PDIA6: variants seen among roughly 807,000 people sequenced by gnomAD.
PDIA6 encodes the protein protein disulfide isomerase family A member 6, also known as protein disulfide-isomerase A6.
Under a neutral mutation model 58.4 loss-of-function variants are expected in PDIA6, and 29 were observed. The ratio of observed to expected loss-of-function variants is 0.50; its 90% CI spans 0.37 to 0.68. PDIA6 has a LOEUF of 0.68. Ranked by LOEUF, PDIA6 falls within the 30% of genes least tolerant of loss-of-function variation. The pLI, the probability that PDIA6 is intolerant of heterozygous loss-of-function variation, is 0.00. For missense variants in PDIA6, 480 were observed against 551.0 expected, an observed-to-expected ratio of 0.87 and a Z score of 1.29; for synonymous variants, 192 against 202.6, an observed-to-expected ratio of 0.95 and a Z score of 0.44.
At chr2:10,837,449 T>C (rs1355829052), upstream of PDIA6, 3 of 653,906 alleles carry the variant, frequency 4.6e-6, no homozygotes, top group Non-Finnish European at 8.3e-6. Context: ...GAGAAAAAAA[T>C]AAGATGAAGC....
intron 12 of PDIA6, 41 bp downstream of exon 12, chr2:10,784,892 AC>A (rs1363893409): frequency 7.2e-7 from 1 of 1,384,232 alleles, no homozygotes; most frequent in Non-Finnish European, 1.0e-6. Flanking sequence ...AAGAGAGTAA[AC>A]CAGGACTGCT....
chr2:10,830,285 G>A (rs1029909028), intron 1 of PDIA6, among the ~76,000 whole-genome samples: 10 of 152,214 alleles, frequency 6.6e-5, no homozygotes, highest in African/African-American at 2.4e-4. Flanking sequence ...ATGAATGAAC[G>A]CATCCGTGAA....
chr2:10,811,107 G>A (rs546390602), intron 1 of PDIA6, among the ~76,000 whole-genome samples: 1 of 152,332 alleles, frequency 6.6e-6, no homozygotes, highest in Non-Finnish European at 1.5e-5. Flanking sequence ...ATTAAAATGA[G>A]TTAATTAATA....
chr2:10,784,760 T>C, intron 12 of PDIA6, 174 bp downstream of exon 12: 1 of 578,744 alleles, frequency 1.7e-6, no homozygotes, highest in Non-Finnish European at 3.1e-6. Flanking sequence ...ATGCAGCACT[T>C]AAACTTGTGA....
chr2:10,789,928 CTT>C, intron 7 of PDIA6, 39 bp from the exon 8 acceptor site: 2 of 1,549,170 alleles, frequency 1.3e-6, no homozygotes, highest in East Asian at 2.3e-5. Context: ...CCAATTAACA[CTT>C]AATGCAAAAT....
At position 10,799,197 on chromosome 2, in the gene PDIA6, C is replaced by G. The variant is rs78944828; in HGVS notation, c.162-1440G>C. On this transcript the variant is annotated intron_variant, in intron 2 of 12. Coordinates refer to ENST00000272227, the MANE Select transcript of PDIA6 (RefSeq NM_005742.4). ...CTCATTGAGGTTGTAGGTAGCTATA[C>G]TGTTTATTTTTATTGCTGTGTAACA... Among the ~76,000 whole-genome samples, 3 of 105,318 alleles carry G rather than the reference C, an allele frequency of 2.8e-5. No individual in the cohort carries two copies. The Admixed American group carries it at 3.1e-4, about 11-fold the overall frequency. The allele number at this position is 105,318 out of a possible 152,430, so 69.1% of individuals were successfully genotyped here. A position where few individuals can be genotyped will look rare whatever the true frequency, so the allele number is the denominator to read the frequency against.
chr2:10,813,624 CA>C (rs528442547), upstream of PDIA6, among the ~76,000 whole-genome samples: 2 of 150,756 alleles, frequency 1.3e-5, no homozygotes, highest in South Asian at 2.1e-4. Context: ...CCACGCCCGG[CA>C]AAAGTAAAAA....
At chr2:10,820,923 G>A (rs917918434) in intron 1 of PDIA6, 3 of 695,682 alleles carry the variant, frequency 4.3e-6, no homozygotes, top group Non-Finnish European at 5.3e-6. Context: ...AGCGTCCTAA[G>A]AGTCAGGAAG....
At chr2:10,812,312 G>A (rs1017247062) in intron 1 of PDIA6, among the ~76,000 whole-genome samples, 1 of 145,112 alleles carries the variant, frequency 6.9e-6, no homozygotes, top group African/African-American at 2.5e-5. Context: ...ACGAGTTCGA[G>A]AAGAGCCCGG....
chr2:10,788,591 A>G (rs1665889653), intron 10 of PDIA6, 106 bp downstream of exon 10: 1 of 779,722 alleles, frequency 1.3e-6, no homozygotes, highest in African/African-American at 1.7e-5. Flanking sequence ...AACATATAGC[A>G]GAGCAAACAT....
At chr2:10,814,993 C>T (rs1667148236), upstream of PDIA6, among the ~76,000 whole-genome samples, 1 of 152,212 alleles carries the variant, frequency 6.6e-6, no homozygotes. Flanking sequence ...TGCTAAATAT[C>T]CCAGGTCACT....
intron 8 of PDIA6, 39 bp downstream of exon 8, chr2:10,789,710 A>C: frequency 6.2e-7 from 1 of 1,600,848 alleles, no homozygotes; most frequent in East Asian, 2.2e-5. Flanking sequence ...CCATCAGCTA[A>C]AAAAGCTTTC....
At chr2:10,819,388 T>G (rs745423474) in intron 1 of PDIA6, 1 of 1,224,620 alleles carries the variant, frequency 8.2e-7, no homozygotes, top group South Asian at 1.3e-5. Flanking sequence ...ATGAGTGAGG[T>G]GGGGATGGGG....
At chr2:10,793,252 C>T (rs1416433085) in intron 4 of PDIA6, 50 bp from the exon 5 acceptor site, 2 of 1,252,172 alleles carry the variant, frequency 1.6e-6, no homozygotes. Flanking sequence ...TCAGCAAGTG[C>T]CTCATCTGGC....
At chr2:10,808,827 T>C (rs1666873095) in intron 1 of PDIA6, among the ~76,000 whole-genome samples, 1 of 152,186 alleles carries the variant, frequency 6.6e-6, no homozygotes, top group Admixed American at 6.5e-5. Context: ...GTAATCTCAT[T>C]ATTTTTCTTT....
At chr2:10,810,206 C>T in intron 1 of PDIA6, 2 of 1,075,644 alleles carry the variant, frequency 1.9e-6, no homozygotes, top group East Asian at 2.6e-5. Flanking sequence ...CATTATTTCA[C>T]AGACCAGGAA....
intron 11 of PDIA6, among the ~76,000 whole-genome samples, chr2:10,786,580 C>G (rs1268337139): frequency 6.6e-6 from 1 of 152,172 alleles, no homozygotes; most frequent in Non-Finnish European, 1.5e-5. Flanking sequence ...AGACTGGCAG[C>G]AAGAGCACTG....
intron 2 of PDIA6, among the ~76,000 whole-genome samples, chr2:10,798,077 T>C (rs577543911): frequency 9.9e-5 from 15 of 152,006 alleles, no homozygotes; most frequent in African/African-American, 3.6e-4. Context: ...TCCTAGCTAC[T>C]GGGGAGGCTG....
chr2:10,798,874 C>G (rs1440759426), intron 2 of PDIA6, among the ~76,000 whole-genome samples: 1 of 152,176 alleles, frequency 6.6e-6, no homozygotes, highest in Admixed American at 6.5e-5. Flanking sequence ...ATCAACTATG[C>G]CTATATCTCA....
Sources: gnomAD v4.1 joint callset for allele counts (sites outside exome capture counted in the v4.1 genomes callset) on GRCh38, gnomAD v4.1.1 for gene constraint, MANE v1.5 for transcripts, NCBI Gene and HGNC (gene_info 2026-07-23, HGNC 2026-07-21) for gene names.